Variants in TMEM178B observed in about 807,000 individuals in gnomAD.
TMEM178B encodes transmembrane protein 178B.
TMEM178B carries 5 observed loss-of-function variants against 31.0 expected under a neutral mutation model. The observed-to-expected ratio is 0.16, with a 90% confidence interval of 0.08 to 0.34. The LOEUF (loss-of-function observed/expected upper bound fraction) is 0.34. Ranked by LOEUF, TMEM178B falls within the 10% of genes least tolerant of loss-of-function variation. The probability of loss-of-function intolerance (pLI) is 1.00; values close to 1 mark genes in which losing one functional copy is unlikely to be tolerated. For missense variants in TMEM178B, 275 were observed against 400.3 expected, an observed-to-expected ratio of 0.69 and a Z score of 2.67; for synonymous variants, 164 against 164.0, an observed-to-expected ratio of 1.00 and a Z score of 0.00.
intron 2 of TMEM178B, among the ~76,000 whole-genome samples, chr7:141,427,823 A>G (rs12671621): frequency 0.18 from 27,676 of 152,232 alleles, 2,720 homozygotes; most frequent in South Asian, 0.39. Flanking sequence ...ATTAATATCC[A>G]AAATATATAA....
At chr7:141,423,893 C>T (rs961263157) in intron 2 of TMEM178B, among the ~76,000 whole-genome samples, 2 of 149,618 alleles carry the variant, frequency 1.3e-5, no homozygotes, top group African/African-American at 4.9e-5. Context: ...ACTGCAACCT[C>T]CACCTCCTGG....
At chr7:141,195,080 G>C (rs1397044391) in intron 1 of TMEM178B, among the ~76,000 whole-genome samples, 1 of 152,234 alleles carries the variant, frequency 6.6e-6, no homozygotes, top group Non-Finnish European at 1.5e-5. Flanking sequence ...CTCCAGGCCT[G>C]TGATGGGAGG....
chr7:141,282,918 A>G (rs1457252613), intron 2 of TMEM178B, among the ~76,000 whole-genome samples: 1 of 152,232 alleles, frequency 6.6e-6, no homozygotes, highest in African/African-American at 2.4e-5. Context: ...GATATAATTT[A>G]TTGAATGCTT....
chr7:141,294,794 AT>A (rs1798603361), intron 2 of TMEM178B, among the ~76,000 whole-genome samples: 1 of 152,166 alleles, frequency 6.6e-6, no homozygotes, highest in Non-Finnish European at 1.5e-5. Context: ...CTTTACCCTC[AT>A]TTCTCTCATA....
Position 141,470,523 on chromosome 7 carries a change from CCTT to C in TMEM178B, c.635-12_635-10del. 6.7e-7 allele frequency: 1 copy of C among 1,501,590 alleles called. No homozygotes were observed. Among genetic ancestry groups the C allele is most frequent in the Non-Finnish European group, 8.9e-7 (1 of 1,128,176 alleles). 93.0% of individuals were successfully genotyped at this position (1,501,590 alleles called of 1,614,324 possible). On this transcript the variant is annotated splice_polypyrimidine_tract_variant and intron_variant, in intron 3 of 3. Transcript: ENST00000565468. ...CCATTTCCCCATCCTGTGTCTTTTC[CCTT>C]GTCCTCCAGGAACCTTCTGCATCAT... is the stretch of plus-strand genomic sequence containing the variant.
intron 1 of TMEM178B, among the ~76,000 whole-genome samples, chr7:141,187,423 G>A (rs529705293): frequency 2.3e-4 from 35 of 152,216 alleles, no homozygotes; most frequent in Admixed American, 4.6e-4. Flanking sequence ...TGTCTTTGTA[G>A]CAGCATGATT....
At chr7:141,359,105 C>T (rs1316615554) in intron 2 of TMEM178B, among the ~76,000 whole-genome samples, 2 of 152,152 alleles carry the variant, frequency 1.3e-5, no homozygotes, top group Admixed American at 1.3e-4. Context: ...CAAGAAATTC[C>T]ATTTGGGAGA....
chr7:141,168,651 T>C (rs1359795628), intron 1 of TMEM178B, among the ~76,000 whole-genome samples: 1 of 151,930 alleles, frequency 6.6e-6, no homozygotes, highest in Admixed American at 6.6e-5. Flanking sequence ...GCACCTCTAA[T>C]CCCAGCTACT....
chr7:141,439,958 A>G (rs1801627493), intron 3 of TMEM178B, among the ~76,000 whole-genome samples: 1 of 152,238 alleles, frequency 6.6e-6, no homozygotes, highest in South Asian at 2.1e-4. Flanking sequence ...AGATTGTGTA[A>G]TTCACTGGCT....
chr7:141,338,877 T>C (rs1283665156), intron 2 of TMEM178B, among the ~76,000 whole-genome samples: 1 of 152,242 alleles, frequency 6.6e-6, no homozygotes, highest in African/African-American at 2.4e-5. Context: ...CCTTAAAAGC[T>C]TGCTCTAGGT....
the TMEM178B span, among the ~76,000 whole-genome samples, chr7:141,508,354 T>A: frequency 6.6e-6 from 1 of 152,210 alleles, no homozygotes; most frequent in South Asian, 2.1e-4. Flanking sequence ...CATATCACTA[T>A]CAGCATTTTA....
At chr7:141,091,366 A>T (rs1794877506) in intron 1 of TMEM178B, among the ~76,000 whole-genome samples, 1 of 152,210 alleles carries the variant, frequency 6.6e-6, no homozygotes, top group African/African-American at 2.4e-5. Flanking sequence ...ATATATATTT[A>T]TTTAAAAACC....
intron 2 of TMEM178B, among the ~76,000 whole-genome samples, chr7:141,371,548 G>A (rs745471717): frequency 7.2e-5 from 11 of 152,250 alleles, no homozygotes; most frequent in Non-Finnish European, 1.3e-4. Context: ...CTGTAGATAC[G>A]GAATAAGTGG....
the TMEM178B span, among the ~76,000 whole-genome samples, chr7:141,489,040 A>G: frequency 2.6e-5 from 4 of 152,284 alleles, no homozygotes; most frequent in East Asian, 7.7e-4. Context: ...CCACCTAAAG[A>G]TAACCACCAT....
At chr7:141,103,054 G>A (rs1795084193) in intron 1 of TMEM178B, among the ~76,000 whole-genome samples, 3 of 152,198 alleles carry the variant, frequency 2.0e-5, no homozygotes, top group Admixed American at 2.0e-4. Context: ...AAATCCAGGA[G>A]CCCAAAGATA....
At chr7:141,507,291 A>T in the TMEM178B span, among the ~76,000 whole-genome samples, 534 of 152,268 alleles carry the variant, frequency 3.5e-3, 6 homozygotes, top group African/African-American at 0.012. Context: ...GAGGTTCTCT[A>T]TGAGGGCTCT....
intron 2 of TMEM178B, among the ~76,000 whole-genome samples, chr7:141,377,310 A>AG (rs1800234009): frequency 6.6e-6 from 1 of 151,784 alleles, no homozygotes; most frequent in South Asian, 2.1e-4. Context: ...CAGCCTCCCT[A>AG]GCAGCTGGGA....
intron 2 of TMEM178B, among the ~76,000 whole-genome samples, chr7:141,349,898 T>C (rs1391518038): frequency 6.6e-6 from 1 of 152,006 alleles, no homozygotes; most frequent in African/African-American, 2.4e-5. Context: ...ATTTACTGAG[T>C]TCTCACTATT....
At chr7:141,250,285 A>G (rs899644075) in intron 2 of TMEM178B, among the ~76,000 whole-genome samples, 15 of 152,204 alleles carry the variant, frequency 9.9e-5, no homozygotes, top group African/African-American at 3.6e-4. Flanking sequence ...GAATCTTCAT[A>G]CCAGCCTTAT....
Sources: gnomAD v4.1 joint callset for allele counts (sites outside exome capture counted in the v4.1 genomes callset) on GRCh38, gnomAD v4.1.1 for gene constraint, MANE v1.5 for transcripts, NCBI Gene and HGNC (gene_info 2026-07-23, HGNC 2026-07-21) for gene names.